CDH9: variants seen among roughly 807,000 people sequenced by gnomAD.
The protein encoded by CDH9 is cadherin-9.
A neutral mutation model predicts 70.9 loss-of-function variants in CDH9; 28 were observed. The ratio of observed to expected loss-of-function variants is 0.40; its 90% confidence interval spans 0.29 to 0.54. The LOEUF (loss-of-function observed/expected upper bound fraction) is 0.54, where lower values mean the gene tolerates loss of function less well. CDH9 is among the 20% of genes least tolerant of loss of function. The pLI is 0.59. For missense variants in CDH9, 874 were observed against 984.4 expected, an observed-to-expected ratio of 0.89 and a Z score of 1.50; for synonymous variants, 409 against 343.1, an observed-to-expected ratio of 1.19 and a Z score of -2.12.
Position 26,903,785 on chromosome 5 carries a change from C to T in CDH9, c.851G>A (p.Gly284Glu). 1 of 1,603,570 alleles carries T rather than the reference C, an allele frequency of 6.2e-7. No homozygotes were observed. Among genetic ancestry groups the T allele is most frequent in the South Asian group, 1.1e-5 (1 of 88,770 alleles). Reference sequence around the variant, plus strand: ...GGCTTTTATCCTTCCAAGATGAGTTCCAAGAGGTACAGACTCAGGAGAATT... The same window carrying T: ...GGCTTTTATCCTTCCAAGATGAGTTTCAAGAGGTACAGACTCAGGAGAATT... Reference protein sequence around the residue: ...QFNSPESVPLGTHLGRIKAND... With the variant: ...QFNSPESVPLETHLGRIKAND... Residue 284 changes from glycine to glutamate, a missense_variant, in exon 6 of 12, where the codon GGA becomes GAA. Gly to Glu is a moderately conservative substitution (Grantham distance 98). Transcript: ENST00000231021.
At chr5:26,930,137 A>G (rs1741416544) in intron 2 of CDH9, among the ~76,000 whole-genome samples, 1 of 152,108 alleles carries the variant, frequency 6.6e-6, no homozygotes, top group East Asian at 1.9e-4. Context: ...ATGTACCTAC[A>G]TAAATATAAA....
chr5:26,977,744 A>G (rs1742327284), intron 2 of CDH9, among the ~76,000 whole-genome samples: 1 of 152,236 alleles, frequency 6.6e-6, no homozygotes. Context: ...AAATTGGCAT[A>G]CACATGCATG....
intron 2 of CDH9, among the ~76,000 whole-genome samples, chr5:26,974,980 C>G (rs1742281137): frequency 6.6e-6 from 1 of 152,090 alleles, no homozygotes; most frequent in South Asian, 2.1e-4. Context: ...ACCAACAGCT[C>G]TCCATTTTCC....
At chr5:26,918,704 C>T (rs950133632) in intron 2 of CDH9, among the ~76,000 whole-genome samples, 4 of 152,208 alleles carry the variant, frequency 2.6e-5, no homozygotes, top group Admixed American at 2.6e-4. Context: ...AGAATTTACT[C>T]TCTTTGCCTA....
At position 26,911,065 on chromosome 5, in the gene CDH9, T is replaced by C. The variant is rs1045212287; in HGVS notation, c.524-4227A>G. Among the ~76,000 whole-genome samples, 7 of 152,206 alleles carry C rather than the reference T, an allele frequency of 4.6e-5. No individual in the cohort carries two copies. The East Asian group carries it at 1.3e-3, about 29-fold the overall frequency. ...GCAAACTCTTTAAGGGCAGAGTCCA[T>C]ATCTAGTTTGTTCAACACTTTATAC... On this transcript the variant is annotated intron_variant, in intron 3 of 11. Transcript: ENST00000231021.
chr5:26,902,329 A>AT, intron 7 of CDH9, 147 bp downstream of exon 7: 1 of 607,362 alleles, frequency 1.6e-6, no homozygotes. Flanking sequence ...TTGTGCAACC[A>AT]TTTTTTCACA....
intron 2 of CDH9, among the ~76,000 whole-genome samples, chr5:26,922,148 A>T (rs1032334332): frequency 2.0e-5 from 3 of 150,674 alleles, no homozygotes; most frequent in African/African-American, 7.3e-5. Flanking sequence ...GGAGAGAGAG[A>T]TGAGAGTAGA....
In CDH9 at chr5:26,929,729, T is replaced by A. The variant is rs186078106; in HGVS notation, c.229-13805A>T. ...CTGGAGGTCATTATGTTAAGTGGAA[T>A]GAGCCAGGCACAGAAAAACCAACTT... On this transcript the variant is annotated intron_variant, in intron 2 of 11. Transcript: ENST00000231021. Among the ~76,000 whole-genome samples the A allele has an allele frequency of 2.5e-3, 378 of 152,202 alleles. 1 individual carries two copies. Among genetic ancestry groups the A allele is most frequent in the Non-Finnish European group, 4.2e-3 (288 of 67,972 alleles).
At chr5:26,993,859 C>T (rs1742622968) in intron 1 of CDH9, among the ~76,000 whole-genome samples, 2 of 152,074 alleles carry the variant, frequency 1.3e-5, no homozygotes, top group South Asian at 4.2e-4. Flanking sequence ...TAGGGGTGGT[C>T]ACCCAGAACC....
chr5:26,888,287 A>G (rs1430839302), intron 9 of CDH9, among the ~76,000 whole-genome samples: 1 of 152,210 alleles, frequency 6.6e-6, no homozygotes, highest in Admixed American at 6.6e-5. Context: ...ATTTATAGAT[A>G]CAATTTAATT....
intron 2 of CDH9, among the ~76,000 whole-genome samples, chr5:26,923,218 C>T (rs1396173377): frequency 1.3e-5 from 2 of 148,156 alleles, no homozygotes; most frequent in African/African-American, 4.9e-5. Context: ...GATGGAAAAA[C>T]GTATTCTATG....
chr5:26,903,512 A>T (rs1740892088), intron 6 of CDH9, 125 bp downstream of exon 6: 1 of 768,616 alleles, frequency 1.3e-6, no homozygotes, highest in African/African-American at 1.7e-5. Flanking sequence ...ATTCTCATTT[A>T]TCTGAAGGAT....
At chr5:26,923,150 T>C (rs2112014430) in intron 2 of CDH9, among the ~76,000 whole-genome samples, 1 of 138,750 alleles carries the variant, frequency 7.2e-6, no homozygotes, top group East Asian at 2.2e-4. Context: ...GACAAAGCAA[T>C]CTATTGTATT....
intron 1 of CDH9, among the ~76,000 whole-genome samples, chr5:27,006,540 C>G (rs1222296364): frequency 6.6e-6 from 1 of 152,104 alleles, no homozygotes; most frequent in African/African-American, 2.4e-5. Context: ...GATGCTCTCT[C>G]TGGAGTAATA....
At chr5:26,888,949 T>C (rs1579663382) in intron 9 of CDH9, among the ~76,000 whole-genome samples, 1 of 152,134 alleles carries the variant, frequency 6.6e-6, no homozygotes, top group Non-Finnish European at 1.5e-5. Context: ...CTTCACTTCA[T>C]CTTAATTACT....
rs2288467 is a variant in CDH9, at chr5:26,988,317, T to C, written c.17A>G (p.Tyr6Cys). 0.47 allele frequency: 764,210 copies of C among 1,611,898 alleles called. 188,966 individuals are homozygous for C. Among genetic ancestry groups the C allele is most frequent in the African/African-American group, 0.51 (38,445 of 74,836 alleles). ...ATAGGTCCAGATGAATAATGGTATA[T>C]AATGGTAAGTCCTCATTATCTGCAA... MRTYHYIPLFIWTYMF... is the reference protein window; with the variant it reads MRTYHCIPLFIWTYMF... Residue 6 changes from tyrosine (Y) to cysteine (C), a missense_variant, in exon 2 of 12, where the codon TAT (tyrosine) becomes TGT (cysteine). Physicochemically the swap from Tyr to Cys is radical, Grantham distance 194. Coordinates refer to ENST00000231021, the MANE Select transcript of CDH9 (RefSeq NM_016279.4).
chr5:26,999,361 T>C lies in CDH9; in HGVS notation c.-49-10979A>G, dbSNP rs140145174. Among the ~76,000 whole-genome samples, 159 of 152,284 alleles carry C rather than the reference T, an allele frequency of 1.0e-3. 2 individuals are homozygous for C. The highest frequency in any genetic ancestry group is 3.7e-3 in the African/African-American group (154 of 41,566). ...ACTTCTCTTCATATAAGGATAGCAG[T>C]GAGTTAAGCAGATACTCTTATTCAA... On this transcript the variant is annotated intron_variant, in intron 1 of 11. Transcript: ENST00000231021.
At chr5:26,970,996 T>C (rs1423074000) in intron 2 of CDH9, among the ~76,000 whole-genome samples, 6 of 152,126 alleles carry the variant, frequency 3.9e-5, no homozygotes, top group Non-Finnish European at 7.4e-5. Context: ...AGTAAAAACA[T>C]TAGAAATGCT....
At position 26,886,098 on chromosome 5, in the gene CDH9, A is replaced by G; in HGVS notation, c.1513-15T>C. On this transcript the variant is annotated splice_polypyrimidine_tract_variant and intron_variant, in intron 9 of 11. Coordinates refer to ENST00000231021, the MANE Select transcript of CDH9 (RefSeq NM_016279.4). ...GTCTGAATCAACTGAAACCAAAATTAATTAATTAATTAATTAAGCCTAAGG... is the reference window on the plus strand; with the variant it reads ...GTCTGAATCAACTGAAACCAAAATTGATTAATTAATTAATTAAGCCTAAGG... 6.3e-7 allele frequency: 1 copy of G among 1,575,762 alleles called. No homozygotes were observed. The highest frequency in any genetic ancestry group is 8.6e-7 in the Non-Finnish European group (1 of 1,166,836).
Sources: gnomAD v4.1 joint callset for allele counts (sites outside exome capture counted in the v4.1 genomes callset) on GRCh38, gnomAD v4.1.1 for gene constraint, MANE v1.5 for transcripts, NCBI Gene and HGNC (gene_info 2026-07-23, HGNC 2026-07-21) for gene names.